AGBL1: variants seen among roughly 807,000 people sequenced by gnomAD.
AGBL1 encodes the protein cytosolic carboxypeptidase 4.
In AGBL1, 130 loss-of-function variants were observed where a neutral mutation model predicts 118.9. The ratio of observed to expected loss-of-function variants is 1.09; its 90% CI spans 0.95 to 1.26. The LOEUF (loss-of-function observed/expected upper bound fraction) is 1.26. Ranked by LOEUF, AGBL1 falls within the 50% of genes most tolerant of loss-of-function variation. AGBL1 has a pLI of 0.00. For synonymous variants in AGBL1, 555 were observed against 478.9 expected, an observed-to-expected ratio of 1.16 and a Z score of -2.08; for missense variants, 1,584 against 1,298.1, an observed-to-expected ratio of 1.22 and a Z score of -3.38.
chr15:86,462,715 G>T (rs1440960396), intron 18 of AGBL1, among the ~76,000 whole-genome samples: 1 of 152,090 alleles, frequency 6.6e-6, no homozygotes, highest in Non-Finnish European at 1.5e-5. Context: ...TTAGTTTGCT[G>T]AGAATGATGG....
intron 1 of AGBL1, among the ~76,000 whole-genome samples, chr15:86,113,287 C>CCT (rs1897544306): frequency 9.2e-5 from 9 of 97,364 alleles, no homozygotes; most frequent in African/African-American, 3.5e-4. Context: ...TTCTTTCTTT[C>CCT]TTTTTTTTTT....
intron 22 of AGBL1, among the ~76,000 whole-genome samples, chr15:86,701,892 C>A (rs920266674): frequency 6.7e-6 from 1 of 148,586 alleles, no homozygotes; most frequent in Non-Finnish European, 1.5e-5. Flanking sequence ...CTTTCCTTCC[C>A]TTTCTTTCAC....
intron 21 of AGBL1, among the ~76,000 whole-genome samples, chr15:86,630,849 G>A (rs1402491714): frequency 6.6e-6 from 1 of 152,180 alleles, no homozygotes; most frequent in African/African-American, 2.4e-5. Context: ...AAAAGCAAAT[G>A]AACCAGATTC....
chr15:86,289,619 C>G (rs2079512587), intron 16 of AGBL1, among the ~76,000 whole-genome samples: 1 of 151,944 alleles, frequency 6.6e-6, no homozygotes. Context: ...GAATGTAAAC[C>G]CAGATTTCCT....
chr15:86,900,544 G>A (rs983068468), intron 22 of AGBL1, among the ~76,000 whole-genome samples: 55 of 152,022 alleles, frequency 3.6e-4, no homozygotes, highest in African/African-American at 1.3e-3. Context: ...TATAGATTGA[G>A]GTTAAGGCCA....
rs1418785171 is a variant in AGBL1 at position 86,207,341 on chromosome 15, C to G, written c.489-17573C>G. On this transcript the variant is annotated intron_variant, in intron 5 of 22. Transcript: ENST00000614907. ...CTTTAAAAAGTAGATTTTTCCAATT[C>G]TGTGAAGAAAATCATTGGTAGCTTG... 3.3e-5 allele frequency among the ~76,000 whole-genome samples: 5 copies of G among 152,168 alleles called. No individual in the cohort carries two copies. The South Asian group carries it at 6.2e-4, about 19-fold the overall frequency.
At chr15:86,448,714 G>A (rs536317270) in intron 18 of AGBL1, among the ~76,000 whole-genome samples, 1 of 152,080 alleles carries the variant, frequency 6.6e-6, no homozygotes, top group South Asian at 2.1e-4. Context: ...GAGAGGCTGA[G>A]GCCAGGTAGA....
At chr15:86,804,950 A>G (rs2078696950) in intron 22 of AGBL1, among the ~76,000 whole-genome samples, 1 of 152,166 alleles carries the variant, frequency 6.6e-6, no homozygotes, top group Non-Finnish European at 1.5e-5. Context: ...TAGATTAGCC[A>G]ATAAGGGAGA....
chr15:86,301,854 T>C (rs140417363), intron 17 of AGBL1, among the ~76,000 whole-genome samples: 284 of 152,324 alleles, frequency 1.9e-3, no homozygotes, highest in Middle Eastern at 0.014. Context: ...GGTGGTCTTG[T>C]ATTGACACAG....
At chr15:86,386,752 A>T (rs564349095) in intron 17 of AGBL1, among the ~76,000 whole-genome samples, 1 of 152,196 alleles carries the variant, frequency 6.6e-6, no homozygotes, top group South Asian at 2.1e-4. Flanking sequence ...TGGGACCTTC[A>T]TAGTACTTAC....
chr15:86,623,580 G>A (rs1186428730), intron 21 of AGBL1, among the ~76,000 whole-genome samples: 1 of 152,104 alleles, frequency 6.6e-6, no homozygotes, highest in East Asian at 1.9e-4. Context: ...GCTTGTTCTT[G>A]CTCTCTTTAT....
chr15:86,179,923 T>C (rs946725027), intron 5 of AGBL1, among the ~76,000 whole-genome samples: 3 of 152,148 alleles, frequency 2.0e-5, no homozygotes, highest in Non-Finnish European at 2.9e-5. Flanking sequence ...AATACATCAC[T>C]GAAAATTTTT....
chr15:86,250,774 A>T (rs2078803113), intron 7 of AGBL1, among the ~76,000 whole-genome samples: 1 of 152,130 alleles, frequency 6.6e-6, no homozygotes, highest in African/African-American at 2.4e-5. Flanking sequence ...TGCTGTGAGC[A>T]CAGATGCCCT....
rs192927849 is a variant in AGBL1, at chr15:86,121,327, T to C, written c.52-20677T>C. Among the ~76,000 whole-genome samples the C allele has an allele frequency of 1.7e-3, 262 of 152,330 alleles. 4 individuals are homozygous for C. In the South Asian group the frequency reaches 0.048, roughly 28 times the overall value. The stretch of plus-strand genomic sequence containing the variant: ...CTATTAATATCTACTTTCCCAGATA[T>C]TTTTCTGTGCCAAAAATATACACCA... On this transcript the variant is annotated intron_variant, in intron 1 of 22. Transcript: ENST00000614907.
chr15:86,709,336 A>G (rs1392493672), intron 22 of AGBL1, among the ~76,000 whole-genome samples: 1 of 112,854 alleles, frequency 8.9e-6, no homozygotes, highest in Non-Finnish European at 1.7e-5. Context: ...TATGTTTAGG[A>G]GGAATTTTTC....
chr15:86,748,422 T>G (rs1218196922), intron 22 of AGBL1, among the ~76,000 whole-genome samples: 16 of 151,634 alleles, frequency 1.1e-4, no homozygotes, highest in Admixed American at 3.3e-4. Context: ...TTTCTCCCAT[T>G]CTGTAGGTTG....
At chr15:86,849,062 A>G (rs2079359927) in intron 22 of AGBL1, among the ~76,000 whole-genome samples, 1 of 152,208 alleles carries the variant, frequency 6.6e-6, no homozygotes, top group Non-Finnish European at 1.5e-5. Context: ...CTCAGTGTTG[A>G]TTGAATATGC....
chr15:86,754,104 T>G (rs1156820227), intron 22 of AGBL1, among the ~76,000 whole-genome samples: 2 of 152,128 alleles, frequency 1.3e-5, no homozygotes, highest in Non-Finnish European at 2.9e-5. Flanking sequence ...AATTCAAATT[T>G]TATTAGTAGA....
At chr15:86,771,059 C>G (rs2078172230) in intron 22 of AGBL1, among the ~76,000 whole-genome samples, 1 of 152,006 alleles carries the variant, frequency 6.6e-6, no homozygotes, top group Non-Finnish European at 1.5e-5. Flanking sequence ...CAGCCACAGT[C>G]TAGAGGAACT....
Sources: gnomAD v4.1 joint callset for allele counts (sites outside exome capture counted in the v4.1 genomes callset) on GRCh38, gnomAD v4.1.1 for gene constraint, MANE v1.5 for transcripts, NCBI Gene and HGNC (gene_info 2026-07-23, HGNC 2026-07-21) for gene names.